Variants in NGLY1 observed in about 807,000 individuals in gnomAD.
NGLY1 encodes the protein peptide-N(4)-(N-acetyl-beta-glucosaminyl)asparagine amidase.
Under a neutral mutation model 84.6 loss-of-function variants are expected in NGLY1, and 68 were observed. That is an observed-to-expected ratio of 0.80 (90% CI 0.66 to 0.98). The LOEUF is 0.98. NGLY1 is among the 50% of genes least tolerant of loss of function. The probability of loss-of-function intolerance (pLI) is 0.00; values close to 1 mark genes in which losing one functional copy is unlikely to be tolerated. For synonymous variants in NGLY1, 280 were observed against 275.2 expected (o/e 1.02, Z -0.17); for missense variants, 779 against 770.2 (o/e 1.01, Z -0.14).
intron 10 of NGLY1, among the ~76,000 whole-genome samples, chr3:25,728,199 T>C (rs1196865903): frequency 6.6e-6 from 1 of 152,148 alleles, no homozygotes; most frequent in Non-Finnish European, 1.5e-5. Context: ...CAAAAACTTA[T>C]GATTGAAAAA....
In NGLY1 at chr3:25,755,413, A is replaced by G. The variant is rs78887453; in HGVS notation, c.493-4150T>C. ...CCACTCCTACTATAGTGACCCCACA[A>G]ACAGTGTCTGTCCCAAATAAAGTTT... On this transcript the variant is annotated intron_variant, in intron 3 of 11. Coordinates refer to ENST00000280700, the MANE Select transcript of NGLY1 (RefSeq NM_018297.4). The G allele has an allele frequency of 7.3e-3, 10,539 of 1,447,068 alleles. 640 individuals are homozygous for G. In the African/African-American group the frequency reaches 0.13, roughly 18 times the overall value. 89.6% of individuals were successfully genotyped at this position (1,447,068 alleles called of 1,614,324 possible). A position where few individuals can be genotyped will look rare whatever the true frequency, so the allele number is the denominator to read the frequency against.
chr3:25,736,321 C>G, intron 6 of NGLY1, 172 bp from the exon 7 acceptor site: 1 of 1,551,398 alleles, frequency 6.4e-7, no homozygotes, highest in Non-Finnish European at 8.7e-7. Flanking sequence ...GTATTAATTT[C>G]TGTCTCTTTG....
intron 10 of NGLY1, among the ~76,000 whole-genome samples, chr3:25,721,764 AAAAAAAAAAAGAAAAG>A (rs1705005582): frequency 1.3e-5 from 2 of 150,652 alleles, no homozygotes; most frequent in African/African-American, 2.4e-5. Context: ...AAAAAAAAAA[AAAAAAAAAAAGAAAAG>A]AAAAAATCCT....
At chr3:25,725,391 A>G (rs1705199833) in intron 10 of NGLY1, among the ~76,000 whole-genome samples, 1 of 152,166 alleles carries the variant, frequency 6.6e-6, no homozygotes, top group Non-Finnish European at 1.5e-5. Flanking sequence ...CCTTTGTAAT[A>G]TTCTTTATAA....
upstream of NGLY1, among the ~76,000 whole-genome samples, chr3:25,786,781 T>C (rs1708616218): frequency 6.6e-6 from 1 of 152,268 alleles, no homozygotes; most frequent in Non-Finnish European, 1.5e-5. Flanking sequence ...CTGTACATTG[T>C]TATCACAATA....
chr3:25,780,010 T>C (rs1708334891), intron 1 of NGLY1, among the ~76,000 whole-genome samples: 1 of 152,248 alleles, frequency 6.6e-6, no homozygotes, highest in Admixed American at 6.5e-5. Context: ...AGAAATTGAA[T>C]GTTCGGTATA....
intron 7 of NGLY1, chr3:25,735,346 AAAACC>A (rs1705762808): frequency 6.6e-6 from 1 of 152,190 alleles, no homozygotes; most frequent in Non-Finnish European, 1.5e-5. Flanking sequence ...AAGAACTCTC[AAAACC>A]AAACAGTAAG....
At position 25,749,148 on chromosome 3, in the gene NGLY1, A is replaced by T. The variant is rs905053722; in HGVS notation, c.658+1950T>A. 3.3e-5 allele frequency among the ~76,000 whole-genome samples: 5 copies of T among 152,246 alleles called. 1 individual carries two copies. Among genetic ancestry groups the T allele is most frequent in the Admixed American group, 3.3e-4 (5 of 15,280 alleles). On this transcript the variant is annotated intron_variant, in intron 4 of 11. Coordinates refer to ENST00000280700, the MANE Select transcript of NGLY1 (RefSeq NM_018297.4). ...GAACACTTGTGCACTGTTAGCAGGA[A>T]TATAAAATGATACAGTCACTGTGGA...
Position 25,750,170 on chromosome 3 carries a change from C to T in NGLY1, c.658+928G>A, listed in dbSNP as rs139319133. Among the ~76,000 whole-genome samples, 362 of 152,210 alleles carry T rather than the reference C, an allele frequency of 2.4e-3. 2 individuals are homozygous for T. The highest frequency in any genetic ancestry group is 7.9e-3 in the African/African-American group (330 of 41,530). ...AGAGAATGAGTGCAAGCAGGGGAAA[C>T]GCCAGATGCTTATAAAACCATCAGA... On this transcript the variant is annotated intron_variant, in intron 4 of 11. Transcript: ENST00000280700.
At chr3:25,735,851 T>G (rs1278170760) in intron 7 of NGLY1, 153 bp downstream of exon 7, 4 of 657,094 alleles carry the variant, frequency 6.1e-6, no homozygotes, top group Non-Finnish European at 9.7e-6. Context: ...TGATTTGCAG[T>G]GATGATTTCA....
chr3:25,776,029 G>A (rs1295877602), intron 2 of NGLY1, among the ~76,000 whole-genome samples: 1 of 152,172 alleles, frequency 6.6e-6, no homozygotes, highest in East Asian at 1.9e-4. Context: ...TCTTTTTGGT[G>A]GTAGAGTTCA....
At position 25,764,177 on chromosome 3, in the gene NGLY1, T is replaced by C. The variant is rs1285258448; in HGVS notation, c.381A>G (p.Gln127=). Residue 127 remains glutamine (Q), a synonymous_variant, in exon 3 of 12, where the codon CAA becomes CAG. Coordinates refer to ENST00000280700, the MANE Select transcript of NGLY1 (RefSeq NM_018297.4). ...NKSHKVKSSQ[Q]PAASTQLPTT... ...TAGGAAGCTGGGTACTGGCTGCAGG[T>C]TGCTGAGATGACTTTACTTTGTGGC... 6.8e-6 allele frequency: 11 copies of C among 1,614,218 alleles called. No individual in the cohort carries two copies. The highest frequency in any genetic ancestry group is 1.3e-5 in the African/African-American group (1 of 75,062).
intron 1 of NGLY1, among the ~76,000 whole-genome samples, chr3:25,779,142 G>A (rs1008952488): frequency 1.3e-5 from 2 of 151,868 alleles, no homozygotes; most frequent in East Asian, 1.9e-4. Flanking sequence ...TCACCATGTC[G>A]ACCAGGCTGG....
intron 3 of NGLY1, chr3:25,755,787 A>C: frequency 3.0e-6 from 2 of 672,610 alleles, no homozygotes; most frequent in Non-Finnish European, 2.5e-6. Context: ...AAAGACTTTC[A>C]TATTAGTTAA....
At chr3:25,725,091 T>C (rs987199793) in intron 10 of NGLY1, among the ~76,000 whole-genome samples, 2 of 152,132 alleles carry the variant, frequency 1.3e-5, no homozygotes, top group African/African-American at 4.8e-5. Context: ...ACCCTGGAGG[T>C]AGAAATGCTG....
chr3:25,750,563 G>A (rs978198673), intron 4 of NGLY1, among the ~76,000 whole-genome samples: 5 of 151,854 alleles, frequency 3.3e-5, no homozygotes, highest in Non-Finnish European at 5.9e-5. Flanking sequence ...GGTAATGGCT[G>A]AACAACATTA....
upstream of NGLY1, among the ~76,000 whole-genome samples, chr3:25,785,739 G>C (rs1004639240): frequency 7.2e-5 from 11 of 152,124 alleles, no homozygotes; most frequent in Admixed American, 2.6e-4. Context: ...GAAATGCTCT[G>C]GTATTGAAGC....
At position 25,719,274 on chromosome 3, in the gene NGLY1, G is replaced by C. The variant is rs1454445103; in HGVS notation, c.*186C>G. 1 of 454,508 alleles carries C rather than the reference G, an allele frequency of 2.2e-6. No individual in the cohort carries two copies. Among genetic ancestry groups the C allele is most frequent in the Admixed American group, 3.7e-5 (1 of 26,822 alleles). The allele number at this position is 454,508 out of a possible 1,614,324, so 28.2% of individuals were successfully genotyped here. ...AATTATAGTCACATATGGAAGAAAGGTTTTAATTCAATATTTTATTATAGT... is the reference window on the plus strand; with the variant it reads ...AATTATAGTCACATATGGAAGAAAGCTTTTAATTCAATATTTTATTATAGT... On this transcript the variant is annotated 3_prime_UTR_variant, in exon 12 of 12. Coordinates refer to ENST00000280700, the MANE Select transcript of NGLY1 (RefSeq NM_018297.4).
intron 2 of NGLY1, among the ~76,000 whole-genome samples, chr3:25,775,852 A>C (rs1255130171): frequency 6.6e-6 from 1 of 152,196 alleles, no homozygotes; most frequent in African/African-American, 2.4e-5. Flanking sequence ...CAGAATTTTG[A>C]ATGTTTCTAA....
Sources: allele counts gnomAD v4.1 joint callset (sites outside exome capture counted in the v4.1 genomes callset), GRCh38; gene constraint gnomAD v4.1.1; transcripts MANE v1.5; gene names NCBI Gene and HGNC (gene_info 2026-07-23, HGNC 2026-07-21).